Variants in SNTG1 observed in about 807,000 individuals in gnomAD.
SNTG1 encodes syntrophin gamma 1, also known as gamma-1-syntrophin.
SNTG1 carries 39 observed loss-of-function variants against 74.7 expected under a neutral mutation model. The observed-to-expected ratio is 0.52, with a 90% CI of 0.40 to 0.68. The LOEUF (loss-of-function observed/expected upper bound fraction) is 0.68. Among genes scored for constraint, SNTG1 ranks in the 30% least tolerant of loss-of-function variants. SNTG1 has a pLI of 0.00. For missense variants in SNTG1, 685 were observed against 609.5 expected, an observed-to-expected ratio of 1.12 and a Z score of -1.30; for synonymous variants, 254 against 217.1, an observed-to-expected ratio of 1.17 and a Z score of -1.49.
intron 12 of SNTG1, among the ~76,000 whole-genome samples, chr8:50,564,118 G>C (rs975612073): frequency 6.9e-6 from 1 of 145,152 alleles, no homozygotes; most frequent in South Asian, 2.2e-4. Context: ...GTTGCAGTCC[G>C]TTTTTTTTTT....
At chr8:50,559,580 T>A (rs1362239231) in intron 12 of SNTG1, among the ~76,000 whole-genome samples, 1 of 152,070 alleles carries the variant, frequency 6.6e-6, no homozygotes, top group Non-Finnish European at 1.5e-5. Flanking sequence ...AGATTGAAAG[T>A]CAAAATTTAG....
intron 2 of SNTG1, among the ~76,000 whole-genome samples, chr8:50,263,928 C>G (rs560674292): frequency 5.3e-5 from 8 of 152,250 alleles, no homozygotes; most frequent in Admixed American, 2.0e-4. Context: ...AAATCATATG[C>G]TAAGCCATAA....
rs564850835 is a variant in SNTG1 at position 50,245,489 on chromosome 8, C to A, written c.-28+72854C>A. ...CCTGAGATCAAAAGATCGAGACCAT[C>A]CTGGCCGACATGATGAAACCCCATC... On this transcript the variant is annotated intron_variant, in intron 2 of 18. Coordinates refer to ENST00000642720, the MANE Select transcript of SNTG1 (RefSeq NM_018967.5). 2.5e-4 allele frequency among the ~76,000 whole-genome samples: 38 copies of A among 152,154 alleles called. No homozygotes were observed. In the South Asian group the frequency reaches 7.1e-3, roughly 28 times the overall value.
chr8:50,563,899 A>G (rs2094501564), intron 12 of SNTG1, among the ~76,000 whole-genome samples: 1 of 152,196 alleles, frequency 6.6e-6, no homozygotes, highest in African/African-American at 2.4e-5. Flanking sequence ...AATGACATAG[A>G]AAGCCATTGC....
At chr8:50,417,246 A>G (rs2093026156) in intron 4 of SNTG1, among the ~76,000 whole-genome samples, 1 of 152,126 alleles carries the variant, frequency 6.6e-6, no homozygotes, top group Admixed American at 6.6e-5. Context: ...CATATGCAGA[A>G]TTTTGACACT....
rs529726975 is a variant in SNTG1 at position 50,364,743 on chromosome 8, A to G, written c.-27-29469A>G. Among the ~76,000 whole-genome samples, 5 of 152,116 alleles carry G rather than the reference A, an allele frequency of 3.3e-5. No homozygotes were observed. In the Middle Eastern group the frequency reaches 0.01, roughly 315 times the overall value. ...TTTCATAAAAAATATTTAAAAATAC[A>G]TTATATTCAATTATATTTTACTCAG... is the stretch of plus-strand genomic sequence containing the variant. On this transcript the variant is annotated intron_variant, in intron 2 of 18. Coordinates refer to ENST00000642720, the MANE Select transcript of SNTG1 (RefSeq NM_018967.5).
intron 1 of SNTG1, among the ~76,000 whole-genome samples, chr8:50,155,620 G>T (rs1453282859): frequency 6.6e-6 from 1 of 151,854 alleles, no homozygotes; most frequent in Non-Finnish European, 1.5e-5. Context: ...AAATAAATGA[G>T]AAATTATAGA....
chr8:50,398,486 T>C (rs1408939833), intron 3 of SNTG1, among the ~76,000 whole-genome samples: 1 of 152,224 alleles, frequency 6.6e-6, no homozygotes, highest in African/African-American at 2.4e-5. Flanking sequence ...CCTCTAATGA[T>C]TGTTTCCTCA....
intron 11 of SNTG1, among the ~76,000 whole-genome samples, chr8:50,547,027 C>T (rs113868793): frequency 0.079 from 11,978 of 152,162 alleles, 1,036 homozygotes; most frequent in African/African-American, 0.22. Flanking sequence ...AAGTGATCCA[C>T]CTGCTTAGGT....
intron 1 of SNTG1, among the ~76,000 whole-genome samples, chr8:49,965,210 C>T (rs796757383): frequency 4.0e-5 from 6 of 150,814 alleles, no homozygotes; most frequent in African/African-American, 1.2e-4. Context: ...TCAACTGTGA[C>T]AATCTACACA....
At chr8:50,788,103 C>T (rs752555824) in intron 18 of SNTG1, among the ~76,000 whole-genome samples, 2 of 151,888 alleles carry the variant, frequency 1.3e-5, no homozygotes, top group Non-Finnish European at 2.9e-5. Flanking sequence ...TAAATCTGAC[C>T]ATAATGGCAT....
chr8:50,783,578 C>T (rs1373224110), intron 18 of SNTG1, among the ~76,000 whole-genome samples: 3 of 152,172 alleles, frequency 2.0e-5, no homozygotes, highest in Admixed American at 6.5e-5. Context: ...GGGAGTGACC[C>T]GATTTTCCAG....
chr8:50,343,095 C>T (rs993570233), intron 2 of SNTG1, among the ~76,000 whole-genome samples: 4 of 152,154 alleles, frequency 2.6e-5, no homozygotes, highest in Non-Finnish European at 5.9e-5. Context: ...GAAATTTTTC[C>T]TGCTTCACTG....
At chr8:50,059,882 T>C (rs918301652) in intron 1 of SNTG1, among the ~76,000 whole-genome samples, 1 of 152,136 alleles carries the variant, frequency 6.6e-6, no homozygotes, top group Non-Finnish European at 1.5e-5. Flanking sequence ...CTGGACCATA[T>C]GGTAACTCTA....
intron 2 of SNTG1, among the ~76,000 whole-genome samples, chr8:50,322,972 CA>C (rs1315019548): frequency 2.0e-5 from 3 of 151,760 alleles, no homozygotes; most frequent in African/African-American, 7.2e-5. Flanking sequence ...AAAAATAAGC[CA>C]GGGGTGGTGG....
chr8:50,123,271 G>A (rs1407300950), intron 1 of SNTG1, among the ~76,000 whole-genome samples: 3 of 142,712 alleles, frequency 2.1e-5, no homozygotes, highest in Non-Finnish European at 3.1e-5. Flanking sequence ...TTACATCGGT[G>A]CATAAAAGCA....
At chr8:50,026,829 A>G (rs1288702085) in intron 1 of SNTG1, among the ~76,000 whole-genome samples, 1 of 152,176 alleles carries the variant, frequency 6.6e-6, no homozygotes, top group Non-Finnish European at 1.5e-5. Flanking sequence ...TTTAAAACCT[A>G]TATTTTTTCA....
intron 5 of SNTG1, among the ~76,000 whole-genome samples, chr8:50,441,089 A>G (rs889135566): frequency 6.6e-6 from 1 of 152,064 alleles, no homozygotes; most frequent in Non-Finnish European, 1.5e-5. Context: ...ACATCTCCCC[A>G]CAAACTGGAC....
At chr8:50,110,398 C>A (rs1200971686) in intron 1 of SNTG1, among the ~76,000 whole-genome samples, 2 of 152,192 alleles carry the variant, frequency 1.3e-5, no homozygotes, top group Admixed American at 6.6e-5. Context: ...GCAGGACTCT[C>A]ATCAGTGACC....
Sources: allele counts gnomAD v4.1 joint callset (sites outside exome capture counted in the v4.1 genomes callset), GRCh38; gene constraint gnomAD v4.1.1; transcripts MANE v1.5; gene names NCBI Gene and HGNC (gene_info 2026-07-23, HGNC 2026-07-21).